The following PPARA variants were observed in gnomAD, a reference collection of about 807,000 sequenced individuals.
PPARA encodes the protein peroxisome proliferator-activated receptor alpha.
PPARA carries 22 observed loss-of-function variants against 42.2 expected under a neutral mutation model. The ratio of observed to expected loss-of-function variants is 0.52; its 90% CI spans 0.37 to 0.74. PPARA has a LOEUF of 0.74. Among genes scored for constraint, PPARA ranks in the 30% least tolerant of loss-of-function variants. The pLI is 0.00. For missense variants in PPARA, 465 were observed against 608.2 expected, an observed-to-expected ratio of 0.76 and a Z score of 2.48; for synonymous variants, 242 against 239.3, an observed-to-expected ratio of 1.01 and a Z score of -0.10.
At chr22:46,169,207 T>C (rs943100992) in intron 2 of PPARA, among the ~76,000 whole-genome samples, 10 of 151,974 alleles carry the variant, frequency 6.6e-5, no homozygotes, top group African/African-American at 2.4e-4. Flanking sequence ...TATGTCAACA[T>C]TGGCTCATCA....
intron 2 of PPARA, among the ~76,000 whole-genome samples, chr22:46,170,478 G>A (rs1335279960): frequency 1.4e-5 from 2 of 143,286 alleles, no homozygotes; most frequent in African/African-American, 5.3e-5. Flanking sequence ...CAAACTCCTG[G>A]ACTCAAGGGA....
chr22:46,165,291 C>T lies in PPARA; in HGVS notation c.-126-11462C>T, dbSNP rs1456938166. ...CCGCAGGTGATCCGCCTGCCCTTGGCCTCCCAAAGTGCTGGGATTACAGGT... is the reference window on the plus strand; with the variant it reads ...CCGCAGGTGATCCGCCTGCCCTTGGTCTCCCAAAGTGCTGGGATTACAGGT... On this transcript the variant is annotated intron_variant, in intron 2 of 8. Transcript: ENST00000407236. The surrounding 1 kb of genome is among the most constrained non-coding windows in gnomAD (Gnocchi z 5.5). 6.6e-6 allele frequency: 1 copy of T among 152,310 alleles called. No individual in the cohort carries two copies. The highest frequency in any genetic ancestry group is 6.5e-5 in the Admixed American group (1 of 15,278). The allele number at this position is 152,310 out of a possible 1,614,324, so 9.4% of individuals were successfully genotyped here.
At position 46,232,079 on chromosome 22, in the gene PPARA, G is replaced by C; in HGVS notation, c.999G>C (p.Ala333=). ...SVMNKDGMLV[A]YGNGFITREF... ...TGAACAAAGACGGGATGCTGGTAGC[G>C]TATGGAAATGGGTTTATAACTCGTG... Residue 333 remains alanine (A), a synonymous_variant, in exon 8 of 9, where the codon GCG becomes GCC. Coordinates refer to ENST00000407236, the MANE Select transcript of PPARA (RefSeq NM_005036.6). This position sits in a 1 kb window ranked among gnomAD's most constrained non-coding sequence, Gnocchi z 5.3. 1 of 1,614,244 alleles carries C rather than the reference G, an allele frequency of 6.2e-7. No homozygotes were observed. The highest frequency in any genetic ancestry group is 8.5e-7 in the Non-Finnish European group (1 of 1,180,048).
Position 46,166,714 on chromosome 22 carries a change from A to G in PPARA, c.-126-10039A>G, listed in dbSNP as rs541408063. 2.0e-5 allele frequency among the ~76,000 whole-genome samples: 3 copies of G among 152,302 alleles called. No homozygotes were observed. The South Asian group carries it at 6.2e-4, about 32-fold the overall frequency. On this transcript the variant is annotated intron_variant, in intron 2 of 8. Coordinates refer to ENST00000407236, the MANE Select transcript of PPARA (RefSeq NM_005036.6). ...GCCTGTACACTGTAATCTACAAAAC[A>G]CTGCTGAGAGAAATTTTAAAAGACC...
chr22:46,159,744 A>G (rs918229484), intron 2 of PPARA, among the ~76,000 whole-genome samples: 3 of 152,238 alleles, frequency 2.0e-5, no homozygotes, highest in African/African-American at 4.8e-5. Context: ...GGAGAGGGCT[A>G]TCCTGGGAAG....
chr22:46,234,605 C>G lies in PPARA; in HGVS notation c.1160-528C>G, dbSNP rs186164903. Among the ~76,000 whole-genome samples the G allele has an allele frequency of 6.6e-6, 1 of 152,138 alleles. No homozygotes were observed. The highest frequency in any genetic ancestry group is 1.5e-5 in the Non-Finnish European group (1 of 67,972). On this transcript the variant is annotated intron_variant, in intron 8 of 8. Coordinates refer to ENST00000407236, the MANE Select transcript of PPARA (RefSeq NM_005036.6). The surrounding 1 kb of genome is among the most constrained non-coding windows in gnomAD (Gnocchi z 5.8). ...GCAATCTCCGTCTCCCAGGTTCAAG[C>G]GATTCTCCCACCTCAGCCTCCCGAG...
At chr22:46,169,380 G>A (rs1295556589) in intron 2 of PPARA, among the ~76,000 whole-genome samples, 1 of 152,042 alleles carries the variant, frequency 6.6e-6, no homozygotes, top group African/African-American at 2.4e-5. Context: ...GACTACAGGC[G>A]CCCGCCACCA....
rs1926430994 is a variant in PPARA at position 46,162,952 on chromosome 22, C to A, written c.-127+10982C>A. Among the ~76,000 whole-genome samples, 1 of 152,248 alleles carries A rather than the reference C, an allele frequency of 6.6e-6. No individual in the cohort carries two copies. Among genetic ancestry groups the A allele is most frequent in the African/African-American group, 2.4e-5 (1 of 41,462 alleles). ...TCAGCAAATATTTACTGAGCACGTA[C>A]TGCGTGCCAGGCACTGTCCTGCTGT... On this transcript the variant is annotated intron_variant, in intron 2 of 8. Transcript: ENST00000407236. This position sits in a 1 kb window ranked among gnomAD's most constrained non-coding sequence, Gnocchi z 6.0.
At position 46,231,990 on chromosome 22, in the gene PPARA, G is replaced by T. The variant is rs1800242; in HGVS notation, c.910G>T (p.Asp304Tyr). 6.2e-7 allele frequency: 1 copy of T among 1,614,202 alleles called. No homozygotes were observed. The highest frequency in any genetic ancestry group is 2.2e-5 in the East Asian group (1 of 44,892). Residue 304 changes from aspartate (D) to tyrosine (Y), a missense_variant, in exon 8 of 9, where the codon GAT becomes TAT. By Grantham distance (160) the Asp-to-Tyr change is radical. This residue lies in a region of PPARA where 313 missense variants were observed against 469.1 expected (regional missense o/e 0.67). Coordinates refer to ENST00000407236, the MANE Select transcript of PPARA (RefSeq NM_005036.6). The surrounding 1 kb of genome is among the most constrained non-coding windows in gnomAD (Gnocchi z 7.7). ...AGGCTTCGCAAACTTGGACCTGAAC[G>T]ATCAAGTGACATTGCTAAAATACGG... is the stretch of plus-strand genomic sequence containing the variant. ...IPGFANLDLNDQVTLLKYGVY... is the reference protein window; with the variant it reads ...IPGFANLDLNYQVTLLKYGVY...
intron 4 of PPARA, among the ~76,000 whole-genome samples, chr22:46,214,599 G>GGAGATGTGCAGAGCAGAGCA (rs1478606766): frequency 6.7e-6 from 1 of 149,342 alleles, no homozygotes; most frequent in Non-Finnish European, 1.5e-5. Context: ...GTGCGGGTCT[G>GGAGATGTGCAGAGCAGAGCA]GAGATGTGCA....
At chr22:46,159,051 G>T (rs985846193) in intron 2 of PPARA, among the ~76,000 whole-genome samples, 2 of 152,004 alleles carry the variant, frequency 1.3e-5, no homozygotes, top group African/African-American at 4.8e-5. Context: ...CACCACGCCC[G>T]GCTAATTTTT....
In PPARA at chr22:46,218,414, G is replaced by A; in HGVS notation, c.508+13G>A. On this transcript the variant is annotated intron_variant, in intron 6 of 8. Coordinates refer to ENST00000407236, the MANE Select transcript of PPARA (RefSeq NM_005036.6). The stretch of plus-strand genomic sequence containing the variant: ...ATGTCACACAACGGTAGGTAAGGTG[G>A]CCCTGCACATTTTCCCAGTTCGTTC... The A allele has an allele frequency of 6.2e-7, 1 of 1,614,050 alleles. No homozygotes were observed.
At position 46,233,041 on chromosome 22, in the gene PPARA, T is replaced by C. The variant is rs2147706486; in HGVS notation, c.1159+802T>C. ...ACACACACACATTTCGTTTATATTA[T>C]ATCTAATATTATAAACAGATATAAT... On this transcript the variant is annotated intron_variant, in intron 8 of 8. Transcript: ENST00000407236. The surrounding 1 kb of genome is among the most constrained non-coding windows in gnomAD (Gnocchi z 7.3). 6.6e-6 allele frequency among the ~76,000 whole-genome samples: 1 copy of C among 150,652 alleles called. No individual in the cohort carries two copies. Among genetic ancestry groups the C allele is most frequent in the East Asian group, 1.9e-4 (1 of 5,162 alleles).
At chr22:46,214,581 C>T (rs956195508) in intron 4 of PPARA, among the ~76,000 whole-genome samples, 4 of 140,264 alleles carry the variant, frequency 2.9e-5, no homozygotes, top group African/African-American at 1.1e-4. Flanking sequence ...ATGTGGGGGT[C>T]CGGAGATGTG....
At position 46,242,007 on chromosome 22, in the gene PPARA, T is replaced by C. The variant is rs1936385249; in HGVS notation, c.*6627T>C. The C allele has an allele frequency of 1.3e-5, 2 of 152,160 alleles. No individual in the cohort carries two copies. The highest frequency in any genetic ancestry group is 3.9e-4 in the East Asian group (2 of 5,176). The allele number at this position is 152,160 out of a possible 1,614,324, so 9.4% of individuals were successfully genotyped here. On this transcript the variant is annotated 3_prime_UTR_variant, in exon 9 of 9. Coordinates refer to ENST00000407236, the MANE Select transcript of PPARA (RefSeq NM_005036.6). The surrounding 1 kb of genome is among the most constrained non-coding windows in gnomAD (Gnocchi z 6.1). ...GGGAGGGGGGTCAGCTTTTATTTTA[T>C]TTTATTTTTTTTAAGTTTGCTAGTT...
intron 3 of PPARA, among the ~76,000 whole-genome samples, chr22:46,178,302 T>C (rs528451852): frequency 6.6e-6 from 1 of 152,336 alleles, no homozygotes; most frequent in Non-Finnish European, 1.5e-5. Context: ...CAGACTCCAT[T>C]TTCCAGGATA....
chr22:46,199,978 C>T (rs1932774043), intron 4 of PPARA, among the ~76,000 whole-genome samples: 1 of 152,210 alleles, frequency 6.6e-6, no homozygotes, highest in Non-Finnish European at 1.5e-5. Context: ...CTGCCTCAGC[C>T]TCCCAAAGTG....
chr22:46,150,703 G>C lies in PPARA; in HGVS notation c.-210+51G>C, dbSNP rs1924260168. On this transcript the variant is annotated intron_variant, in intron 1 of 8. Coordinates refer to ENST00000407236, the MANE Select transcript of PPARA (RefSeq NM_005036.6). The surrounding 1 kb of genome is among the most constrained non-coding windows in gnomAD (Gnocchi z 7.5). ...GGCGGGAACGCGCGCGGGGGTCCGCGGTCCGGGCTTCCCAGGTCCCGGGAC... is the reference window on the plus strand; with the variant it reads ...GGCGGGAACGCGCGCGGGGGTCCGCCGTCCGGGCTTCCCAGGTCCCGGGAC... The C allele has an allele frequency of 6.7e-6, 1 of 148,678 alleles. No homozygotes were observed. 9.2% of individuals were successfully genotyped at this position (148,678 alleles called of 1,614,324 possible).
chr22:46,197,952 C>G (rs1164841203), intron 3 of PPARA, among the ~76,000 whole-genome samples: 3 of 151,306 alleles, frequency 2.0e-5, no homozygotes, highest in Admixed American at 1.3e-4. Context: ...AAACAAACAG[C>G]CGGACGCAGT....
Sources: gnomAD v4.1 joint callset for allele counts (sites outside exome capture counted in the v4.1 genomes callset) on GRCh38, gnomAD v4.1.1 for gene constraint, gnomAD v4.1.1 regional missense constraint, Gnocchi (gnomAD v3.1) non-coding constraint, MANE v1.5 for transcripts, NCBI Gene and HGNC (gene_info 2026-07-23, HGNC 2026-07-21) for gene names.